NEGR1: variants seen among roughly 807,000 people sequenced by gnomAD.
NEGR1 encodes IgLON family member 4.
In NEGR1, 10 loss-of-function variants were observed where a neutral mutation model predicts 40.9. The ratio of observed to expected loss-of-function variants is 0.24; its 90% CI spans 0.15 to 0.42. The LOEUF (loss-of-function observed/expected upper bound fraction) is 0.42, where lower values mean the gene tolerates loss of function less well. Among genes scored for constraint, NEGR1 ranks in the 10% least tolerant of loss-of-function variants. The probability of loss-of-function intolerance (pLI) is 1.00; values close to 1 mark genes in which losing one functional copy is unlikely to be tolerated. For missense variants in NEGR1, 352 were observed against 438.9 expected, an observed-to-expected ratio of 0.80 and a Z score of 1.77; for synonymous variants, 185 against 166.8, an observed-to-expected ratio of 1.11 and a Z score of -0.84.
At chr1:71,499,574 G>A (rs1646986385) in intron 6 of NEGR1, among the ~76,000 whole-genome samples, 1 of 150,466 alleles carries the variant, frequency 6.6e-6, no homozygotes, top group Non-Finnish European at 1.5e-5. Flanking sequence ...CACTCAAAAT[G>A]TGACAAAGAA....
chr1:72,251,307 C>G (rs765501742), intron 1 of NEGR1, among the ~76,000 whole-genome samples: 32 of 152,058 alleles, frequency 2.1e-4, no homozygotes, highest in Non-Finnish European at 4.0e-4. Flanking sequence ...ACAAAATATG[C>G]TTAATGTATT....
At chr1:71,906,622 TG>T (rs1661284186) in intron 2 of NEGR1, among the ~76,000 whole-genome samples, 1 of 151,958 alleles carries the variant, frequency 6.6e-6, no homozygotes, top group Non-Finnish European at 1.5e-5. Flanking sequence ...TTTTGATCAA[TG>T]AAAGAGTTTA....
intron 6 of NEGR1, among the ~76,000 whole-genome samples, chr1:71,589,763 T>C (rs12122242): frequency 0.015 from 492 of 32,646 alleles, 6 homozygotes; most frequent in Non-Finnish European, 0.049. Flanking sequence ...GCCTTTAGAA[T>C]TAAAAGTTTA....
At chr1:71,797,697 T>C (rs889194563) in intron 2 of NEGR1, among the ~76,000 whole-genome samples, 1 of 152,130 alleles carries the variant, frequency 6.6e-6, no homozygotes, top group African/African-American at 2.4e-5. Context: ...GTCTTTCCTG[T>C]TTTCTTTTTT....
chr1:71,707,652 C>G (rs561514708), intron 3 of NEGR1, among the ~76,000 whole-genome samples: 12 of 152,200 alleles, frequency 7.9e-5, no homozygotes, highest in African/African-American at 2.6e-4. Context: ...TGTGAGTGAA[C>G]ACAGGCGGTA....
intron 3 of NEGR1, among the ~76,000 whole-genome samples, chr1:71,769,700 C>T (rs1176953906): frequency 2.0e-5 from 3 of 152,190 alleles, no homozygotes; most frequent in South Asian, 2.1e-4. Context: ...CCTGTGGAAC[C>T]ATGAGTCCAT....
intron 4 of NEGR1, among the ~76,000 whole-genome samples, chr1:71,637,674 T>C (rs1407864552): frequency 1.3e-5 from 2 of 151,886 alleles, no homozygotes; most frequent in African/African-American, 4.8e-5. Flanking sequence ...ATATACTATG[T>C]ATATATTTCT....
At chr1:71,587,812 T>C (rs896697562) in intron 6 of NEGR1, among the ~76,000 whole-genome samples, 5 of 152,080 alleles carry the variant, frequency 3.3e-5, no homozygotes, top group African/African-American at 1.2e-4. Context: ...AATATTATCA[T>C]TACCTATTTT....
intron 3 of NEGR1, among the ~76,000 whole-genome samples, chr1:71,748,808 C>T (rs1655471489): frequency 6.6e-6 from 1 of 151,950 alleles, no homozygotes; most frequent in Non-Finnish European, 1.5e-5. Context: ...TTCTGAAGCT[C>T]TAATGCATAG....
intron 1 of NEGR1, among the ~76,000 whole-genome samples, chr1:72,154,666 A>G (rs1429879381): frequency 6.6e-6 from 1 of 152,052 alleles, no homozygotes; most frequent in African/African-American, 2.4e-5. Flanking sequence ...CAAAGTTTAT[A>G]AAGCACTTTA....
chr1:71,491,596 A>G (rs1439541301), intron 6 of NEGR1, among the ~76,000 whole-genome samples: 1 of 150,646 alleles, frequency 6.6e-6, no homozygotes, highest in East Asian at 1.9e-4. Context: ...TTTTTAAATG[A>G]AAATATGACC....
At chr1:72,163,774 A>ATTTAGG (rs1651676834) in intron 1 of NEGR1, among the ~76,000 whole-genome samples, 1 of 152,160 alleles carries the variant, frequency 6.6e-6, no homozygotes, top group Non-Finnish European at 1.5e-5. Context: ...ATAGATTTAG[A>ATTTAGG]TATGTTTAAG....
At chr1:71,474,843 T>C (rs1008385828) in intron 6 of NEGR1, among the ~76,000 whole-genome samples, 12 of 152,062 alleles carry the variant, frequency 7.9e-5, no homozygotes, top group Non-Finnish European at 1.6e-4. Flanking sequence ...ATATTTGTAG[T>C]TAACATTGCA....
chr1:71,948,058 T>A (rs1382785033), intron 1 of NEGR1, among the ~76,000 whole-genome samples: 1 of 152,128 alleles, frequency 6.6e-6, no homozygotes, highest in Non-Finnish European at 1.5e-5. Context: ...CCAAAGACAA[T>A]CTTTCTGAAG....
intron 2 of NEGR1, among the ~76,000 whole-genome samples, chr1:71,842,317 C>T (rs1242470317): frequency 1.3e-5 from 2 of 152,084 alleles, no homozygotes; most frequent in Admixed American, 6.5e-5. Flanking sequence ...CACTACCTAT[C>T]CATTGAGCTT....
intron 6 of NEGR1, among the ~76,000 whole-genome samples, chr1:71,539,304 T>C (rs978306705): frequency 6.6e-6 from 1 of 151,882 alleles, no homozygotes; most frequent in East Asian, 2.0e-4. Flanking sequence ...GTGACTATCA[T>C]ATAATTCAGC....
intron 2 of NEGR1, among the ~76,000 whole-genome samples, chr1:71,842,519 A>T (rs74089013): frequency 0.029 from 4,479 of 152,238 alleles, 210 homozygotes; most frequent in African/African-American, 0.1. Context: ...AATATTTTTC[A>T]TTATAGTTAG....
rs554453618 is a variant in NEGR1, at chr1:71,824,705, G to C, written c.410-48408C>G. Among the ~76,000 whole-genome samples, 38 of 151,964 alleles carry C rather than the reference G, an allele frequency of 2.5e-4. 1 individual carries two copies. The South Asian group carries it at 7.7e-3, about 31-fold the overall frequency. On this transcript the variant is annotated intron_variant, in intron 2 of 6. Coordinates refer to ENST00000357731, the MANE Select transcript of NEGR1 (RefSeq NM_173808.3). The stretch of plus-strand genomic sequence containing the variant: ...TCCTCTCCACACATAGAAGAAGCAA[G>C]AACTTCTGATTTCTGTTACCATAAA...
At chr1:71,553,733 C>A (rs1226826910) in intron 6 of NEGR1, among the ~76,000 whole-genome samples, 1 of 150,662 alleles carries the variant, frequency 6.6e-6, no homozygotes, top group Non-Finnish European at 1.5e-5. Context: ...TGTGGTTGTT[C>A]ACATGAGCCA....
Sources: gnomAD v4.1 joint callset for allele counts (sites outside exome capture counted in the v4.1 genomes callset) on GRCh38, gnomAD v4.1.1 for gene constraint, MANE v1.5 for transcripts, NCBI Gene and HGNC (gene_info 2026-07-23, HGNC 2026-07-21) for gene names.